The following PRKCA variants were observed in gnomAD, a reference collection of about 807,000 sequenced individuals.
PRKCA encodes protein kinase C alpha.
Under a neutral mutation model 87.0 loss-of-function variants are expected in PRKCA, and 27 were observed. The ratio of observed to expected loss-of-function variants is 0.31; its 90% CI spans 0.23 to 0.43. The LOEUF (loss-of-function observed/expected upper bound fraction) is 0.43, where lower values mean the gene tolerates loss of function less well. Ranked by LOEUF, PRKCA falls within the 20% of genes least tolerant of loss-of-function variation. The pLI is 1.00. For synonymous variants in PRKCA, 329 were observed against 311.1 expected, an observed-to-expected ratio of 1.06 and a Z score of -0.61; for missense variants, 518 against 852.3, an observed-to-expected ratio of 0.61 and a Z score of 4.88.
At chr17:66,702,096 G>A (rs905443391) in intron 8 of PRKCA, among the ~76,000 whole-genome samples, 1 of 151,964 alleles carries the variant, frequency 6.6e-6, no homozygotes, top group African/African-American at 2.4e-5. Flanking sequence ...TAAAGAAAAT[G>A]TCTGTCACAT....
chr17:66,793,613 AAAAC>A lies in PRKCA; in HGVS notation c.1854+4635_1854+4638del, dbSNP rs58707626. Among the ~76,000 whole-genome samples the A allele has an allele frequency of 3.9e-3, 580 of 150,574 alleles. 12 individuals carry two copies. Among genetic ancestry groups the A allele is most frequent in the East Asian group, 0.022 (112 of 5,012 alleles). ...CTCAAAAAAAAAAAAAAAAAAAAAAAAAACCGGAATGTTCAGAAGAGTCTAGGTA... is the reference window on the plus strand; with the variant it reads ...CTCAAAAAAAAAAAAAAAAAAAAAAACGGAATGTTCAGAAGAGTCTAGGTA... On this transcript the variant is annotated intron_variant, in intron 16 of 16. Transcript: ENST00000413366.
At chr17:66,620,527 G>A (rs190167115) in intron 3 of PRKCA, among the ~76,000 whole-genome samples, 31 of 152,282 alleles carry the variant, frequency 2.0e-4, no homozygotes, top group Admixed American at 1.9e-3. Flanking sequence ...GAGAATCGGG[G>A]AAATGTATTT....
chr17:66,586,207 C>G (rs764571863), intron 3 of PRKCA, among the ~76,000 whole-genome samples: 37 of 152,036 alleles, frequency 2.4e-4, no homozygotes, highest in Non-Finnish European at 4.6e-4. Flanking sequence ...TGAGGTGGCC[C>G]CTGGAGATCA....
chr17:66,307,746 C>T (rs1904897811), intron 2 of PRKCA, among the ~76,000 whole-genome samples: 1 of 152,100 alleles, frequency 6.6e-6, no homozygotes, highest in Non-Finnish European at 1.5e-5. Context: ...AGTGGATTAG[C>T]AGATTAATAG....
intron 3 of PRKCA, among the ~76,000 whole-genome samples, chr17:66,640,098 G>A (rs538897083): frequency 1.4e-4 from 22 of 152,214 alleles, no homozygotes; most frequent in South Asian, 4.2e-4. Flanking sequence ...CCTGTGATAC[G>A]GCACTCTTCT....
chr17:66,790,762 T>C (rs923187473), intron 16 of PRKCA, among the ~76,000 whole-genome samples: 1 of 152,162 alleles, frequency 6.6e-6, no homozygotes, highest in African/African-American at 2.4e-5. Context: ...ATTGCCACGT[T>C]ATGGCAGAAG....
chr17:66,798,449 GT>G, intron 16 of PRKCA, among the ~76,000 whole-genome samples: 1 of 107,426 alleles, frequency 9.3e-6, no homozygotes, highest in Admixed American at 9.8e-5. Flanking sequence ...GGTGGTGGTG[GT>G]GACGGTGGTG....
At chr17:66,741,561 A>G in intron 11 of PRKCA, 98 bp from the exon 12 acceptor site, 1 of 1,341,794 alleles carries the variant, frequency 7.5e-7, no homozygotes, top group South Asian at 1.2e-5. Flanking sequence ...TCTGGGTCTG[A>G]CATTCTTTTC....
At chr17:66,676,113 T>A (rs540471342) in intron 5 of PRKCA, among the ~76,000 whole-genome samples, 2 of 152,246 alleles carry the variant, frequency 1.3e-5, no homozygotes, top group Admixed American at 1.3e-4. Flanking sequence ...TGTGGCGACG[T>A]GAGGGAACTG....
intron 3 of PRKCA, chr17:66,554,662 G>C: frequency 1.9e-6 from 1 of 533,982 alleles, no homozygotes; most frequent in South Asian, 8.3e-5. Context: ...TGGATGTGAA[G>C]GGAGTTTGGT....
chr17:66,799,577 G>A (rs1374551424), intron 16 of PRKCA, among the ~76,000 whole-genome samples: 1 of 5,812 alleles, frequency 1.7e-4, no homozygotes, highest in African/African-American at 9.7e-4. Context: ...GATGGTGGTG[G>A]TGGTGATGGT....
intron 2 of PRKCA, among the ~76,000 whole-genome samples, chr17:66,374,640 GC>G (rs1019722386): frequency 1.4e-4 from 21 of 152,080 alleles, no homozygotes; most frequent in African/African-American, 5.1e-4. Flanking sequence ...GTGGGGAGCT[GC>G]AGGGGAGGGA....
At chr17:66,613,028 A>G (rs959589013) in intron 3 of PRKCA, among the ~76,000 whole-genome samples, 3 of 152,202 alleles carry the variant, frequency 2.0e-5, no homozygotes, top group Non-Finnish European at 4.4e-5. Flanking sequence ...GCAAATATAT[A>G]CAAGTTGCAA....
chr17:66,553,252 G>A (rs978901246), intron 3 of PRKCA, among the ~76,000 whole-genome samples: 10 of 152,142 alleles, frequency 6.6e-5, no homozygotes, highest in Non-Finnish European at 4.4e-5. Context: ...AAAGTTCTGG[G>A]ATTATAGCGT....
chr17:66,761,077 T>C (rs770375338), intron 13 of PRKCA, among the ~76,000 whole-genome samples: 2 of 152,096 alleles, frequency 1.3e-5, no homozygotes, highest in Non-Finnish European at 2.9e-5. Flanking sequence ...TTTGTCTAAA[T>C]AGAAAATACA....
intron 2 of PRKCA, among the ~76,000 whole-genome samples, chr17:66,494,164 A>G (rs1409783696): frequency 1.3e-5 from 2 of 152,138 alleles, no homozygotes; most frequent in Admixed American, 6.5e-5. Flanking sequence ...TTCTGTATCT[A>G]CTGCCATATG....
intron 2 of PRKCA, among the ~76,000 whole-genome samples, chr17:66,468,033 C>G (rs571929053): frequency 6.6e-6 from 1 of 152,276 alleles, no homozygotes; most frequent in East Asian, 1.9e-4. Context: ...TTAGCTGTTT[C>G]CAGGAGCAGT....
intron 3 of PRKCA, among the ~76,000 whole-genome samples, chr17:66,604,396 G>C (rs59744192): frequency 0.026 from 3,942 of 152,272 alleles, 152 homozygotes; most frequent in East Asian, 0.15. Context: ...CAGTTATTCT[G>C]TTTCTCCATG....
At chr17:66,321,179 C>T (rs62069958) in intron 2 of PRKCA, among the ~76,000 whole-genome samples, 15,725 of 152,154 alleles carry the variant, frequency 0.1, 873 homozygotes, top group South Asian at 0.25. Context: ...ATAAATATTC[C>T]ATGGAAAATT....
Sources: allele counts gnomAD v4.1 joint callset (sites outside exome capture counted in the v4.1 genomes callset), GRCh38; gene constraint gnomAD v4.1.1; transcripts MANE v1.5; gene names NCBI Gene and HGNC (gene_info 2026-07-23, HGNC 2026-07-21).